RPIA: variants seen among roughly 807,000 people sequenced by gnomAD.
RPIA encodes the protein ribose 5-phosphate isomerase A, also known as ribose-5-phosphate isomerase.
A neutral mutation model predicts 37.8 loss-of-function variants in RPIA; 29 were observed. That is an observed-to-expected ratio of 0.77 (90% confidence interval 0.57 to 1.05). RPIA has a LOEUF of 1.05. Ranked by LOEUF, RPIA falls within the 50% of genes least tolerant of loss-of-function variation. The pLI, the probability that RPIA is intolerant of heterozygous loss-of-function variation, is 0.00. For synonymous variants in RPIA, 167 were observed against 157.0 expected (o/e 1.06, Z -0.48); for missense variants, 385 against 413.6 (o/e 0.93, Z 0.60).
chr2:88,709,905 G>A (rs1672941503), intron 3 of RPIA, among the ~76,000 whole-genome samples: 1 of 152,118 alleles, frequency 6.6e-6, no homozygotes, highest in Admixed American at 6.5e-5. Flanking sequence ...AAATTCCTTA[G>A]TAGGGGCTCT....
At chr2:88,727,293 G>A (rs551561315) in intron 3 of RPIA, among the ~76,000 whole-genome samples, 1 of 152,358 alleles carries the variant, frequency 6.6e-6, no homozygotes, top group African/African-American at 2.4e-5. Context: ...GATCCAAAGG[G>A]ATGAATGTCA....
At chr2:88,695,601 C>A (rs533177353) in intron 1 of RPIA, among the ~76,000 whole-genome samples, 1 of 152,270 alleles carries the variant, frequency 6.6e-6, no homozygotes, top group African/African-American at 2.4e-5. Context: ...AGATATTTAG[C>A]CATTTTGAAT....
chr2:88,734,838 G>A (rs1042074591), intron 5 of RPIA, among the ~76,000 whole-genome samples: 3 of 152,154 alleles, frequency 2.0e-5, no homozygotes, highest in Non-Finnish European at 4.4e-5. Context: ...ATCATTCATC[G>A]TAATGGATTC....
chr2:88,720,769 A>C (rs888816041), intron 3 of RPIA, among the ~76,000 whole-genome samples: 1 of 152,108 alleles, frequency 6.6e-6, no homozygotes, highest in Non-Finnish European at 1.5e-5. Context: ...TGTTGGTGAG[A>C]GTGTAAATTA....
intron 8 of RPIA, among the ~76,000 whole-genome samples, chr2:88,740,518 T>C (rs1400888691): frequency 1.3e-5 from 2 of 152,226 alleles, no homozygotes; most frequent in Non-Finnish European, 2.9e-5. Flanking sequence ...TCCCTGTTTA[T>C]CTCTGTTACC....
chr2:88,742,232 TAA>T (rs1673391162), intron 8 of RPIA, among the ~76,000 whole-genome samples: 1 of 152,196 alleles, frequency 6.6e-6, no homozygotes, highest in East Asian at 1.9e-4. Flanking sequence ...ATTTTTTGTA[TAA>T]GAGATGAGAA....
chr2:88,749,982 TGTG>T lies in RPIA; in HGVS notation c.845_847del (p.Val282del), dbSNP rs751285828. On this transcript the variant is annotated inframe_deletion and splice_region_variant, in exon 9 of 9. Coordinates refer to ENST00000283646, the MANE Select transcript of RPIA (RefSeq NM_144563.3). ...TTCTTTCTGTCCTTTGTCCTGCAGGTGTGGTGGACACAGGCCTATTCATCAACA... is the reference window on the plus strand; with the variant it reads ...TTCTTTCTGTCCTTTGTCCTGCAGGTGTGGACACAGGCCTATTCATCAACA... The T allele has an allele frequency of 6.2e-7, 1 of 1,609,210 alleles. No individual in the cohort carries two copies. The highest frequency in any genetic ancestry group is 8.5e-7 in the Non-Finnish European group (1 of 1,175,746).
intron 3 of RPIA, among the ~76,000 whole-genome samples, chr2:88,703,567 G>T (rs1007539170): frequency 1.3e-5 from 2 of 152,246 alleles, no homozygotes; most frequent in Non-Finnish European, 2.9e-5. Context: ...GGAGTGGCTA[G>T]GACGCAGGGC....
intron 8 of RPIA, among the ~76,000 whole-genome samples, chr2:88,744,989 C>T (rs1210143906): frequency 6.6e-6 from 1 of 152,092 alleles, no homozygotes. Context: ...CAGAGTTTCA[C>T]TCTTGTTGCC....
At chr2:88,716,088 A>G (rs973085362) in intron 3 of RPIA, among the ~76,000 whole-genome samples, 2 of 152,174 alleles carry the variant, frequency 1.3e-5, no homozygotes, top group African/African-American at 4.8e-5. Context: ...GGCTCACCTG[A>G]GACAAATCCA....
intron 8 of RPIA, among the ~76,000 whole-genome samples, chr2:88,748,209 C>T (rs527390914): frequency 6.6e-6 from 1 of 152,176 alleles, no homozygotes; most frequent in Non-Finnish European, 1.5e-5. Flanking sequence ...TTTACACTAG[C>T]GGTAGCCTGC....
intron 3 of RPIA, among the ~76,000 whole-genome samples, chr2:88,702,282 T>C (rs967859001): frequency 6.6e-6 from 1 of 152,250 alleles, no homozygotes; most frequent in South Asian, 2.1e-4. Flanking sequence ...GCAAGTAAGA[T>C]CTAAAACAGC....
At chr2:88,713,509 T>G (rs531985722) in intron 3 of RPIA, among the ~76,000 whole-genome samples, 10 of 152,316 alleles carry the variant, frequency 6.6e-5, no homozygotes, top group Admixed American at 1.3e-4. Context: ...TTTAATTCTC[T>G]AAGGACTCAC....
chr2:88,692,399 G>T (rs1293715058), intron 1 of RPIA, among the ~76,000 whole-genome samples: 1 of 152,156 alleles, frequency 6.6e-6, no homozygotes, highest in African/African-American at 2.4e-5. Context: ...GAGTTGGTTT[G>T]CTAGTGCTTT....
chr2:88,723,796 C>T (rs1230690524), intron 3 of RPIA, among the ~76,000 whole-genome samples: 1 of 152,024 alleles, frequency 6.6e-6, no homozygotes, highest in East Asian at 1.9e-4. Flanking sequence ...GTGGTCAGAG[C>T]ACAGTTTGGT....
intron 3 of RPIA, among the ~76,000 whole-genome samples, chr2:88,704,376 G>A (rs970608592): frequency 3.6e-4 from 55 of 152,204 alleles, no homozygotes; most frequent in African/African-American, 1.1e-3. Flanking sequence ...CAATCATGGC[G>A]GAAGGCAGGG....
At chr2:88,746,452 G>A (rs577141323) in intron 8 of RPIA, among the ~76,000 whole-genome samples, 18 of 152,352 alleles carry the variant, frequency 1.2e-4, no homozygotes, top group African/African-American at 4.3e-4. Context: ...CCAATGGGGT[G>A]ATCCCTTGAT....
At chr2:88,697,593 A>G (rs1672767444) in intron 1 of RPIA, among the ~76,000 whole-genome samples, 1 of 152,074 alleles carries the variant, frequency 6.6e-6, no homozygotes, top group South Asian at 2.1e-4. Context: ...GTCTGCTTGT[A>G]GGTACCTTCT....
At chr2:88,719,777 A>G (rs1288920578) in intron 3 of RPIA, among the ~76,000 whole-genome samples, 1 of 152,198 alleles carries the variant, frequency 6.6e-6, no homozygotes, top group East Asian at 1.9e-4. Flanking sequence ...CTTGAACATA[A>G]GATATAACTT....
Sources: gnomAD v4.1 joint callset for allele counts (sites outside exome capture counted in the v4.1 genomes callset) on GRCh38, gnomAD v4.1.1 for gene constraint, MANE v1.5 for transcripts, NCBI Gene and HGNC (gene_info 2026-07-23, HGNC 2026-07-21) for gene names.